NMT2: variants seen among roughly 807,000 people sequenced by gnomAD.
NMT2 encodes the protein N-myristoyltransferase 2, also known as glycylpeptide N-tetradecanoyltransferase 2.
NMT2 carries 35 observed loss-of-function variants against 65.4 expected under a neutral mutation model. That is an observed-to-expected ratio of 0.54 (90% CI 0.41 to 0.71). NMT2 has a LOEUF of 0.71. NMT2 is among the 30% of genes least tolerant of loss of function. The pLI, the probability that NMT2 is intolerant of heterozygous loss-of-function variation, is 0.00. For synonymous variants in NMT2, 226 were observed against 231.8 expected (o/e 0.98, Z 0.23); for missense variants, 489 against 611.3 (o/e 0.80, Z 2.11).
intron 8 of NMT2, among the ~76,000 whole-genome samples, chr10:15,126,224 T>A (rs1589308336): frequency 6.7e-6 from 1 of 149,388 alleles, no homozygotes; most frequent in Admixed American, 6.7e-5. Flanking sequence ...AGGTCAGGAG[T>A]TCGAGACCAG....
intron 2 of NMT2, among the ~76,000 whole-genome samples, chr10:15,140,225 C>T (rs1011747553): frequency 9.2e-5 from 14 of 152,076 alleles, no homozygotes; most frequent in Non-Finnish European, 1.8e-4. Flanking sequence ...CAGGCTCAAG[C>T]TATCCTCCCA....
intron 6 of NMT2, among the ~76,000 whole-genome samples, chr10:15,130,811 A>G (rs1012197804): frequency 6.4e-5 from 8 of 125,706 alleles, no homozygotes; most frequent in African/African-American, 2.4e-4. Flanking sequence ...TTTTTTTGAG[A>G]CAGATTGTCG....
intron 8 of NMT2, among the ~76,000 whole-genome samples, chr10:15,121,582 G>C (rs1845932987): frequency 6.6e-6 from 1 of 152,198 alleles, no homozygotes; most frequent in Admixed American, 6.5e-5. Context: ...GGCCAGGCTG[G>C]TCTCGAATGC....
intron 9 of NMT2, among the ~76,000 whole-genome samples, chr10:15,117,211 A>G (rs1196387747): frequency 1.3e-5 from 2 of 152,220 alleles, no homozygotes; most frequent in Non-Finnish European, 2.9e-5. Flanking sequence ...GACCAAGTGG[A>G]TATTTTCTAG....
Position 15,141,458 on chromosome 10 carries a change from A to G in NMT2, c.210T>C (p.Ser70=), listed in dbSNP as rs764632131. Residue 70 remains serine (S), a synonymous_variant, in exon 2 of 12, where the codon TCT becomes TCC. Coordinates refer to ENST00000378165, the MANE Select transcript of NMT2 (RefSeq NM_004808.3). ...GCTGAATTTTAATCTCCTGGGAATC[A>G]GATGCCGAGTCTGACTTGGTGCCTC... The part of the protein sequence containing the change: ...NSGGTKSDSA[S]DSQEIKIQQP... 3 of 1,614,104 alleles carry G rather than the reference A, an allele frequency of 1.9e-6. No homozygotes were observed.
In NMT2 at chr10:15,141,454, A is replaced by G; in HGVS notation, c.214T>C (p.Ser72Pro). The change falls in exon 2 of 12, where the codon TCC becomes CCC. Residue 72 changes from serine (S) to proline (P), a missense_variant. Ser to Pro is a moderately conservative substitution (Grantham distance 74). Transcript: ENST00000378165. ...GGTKSDSASD[S>P]QEIKIQQPSK... ...GGCTGCTGAATTTTAATCTCCTGGG[A>G]ATCAGATGCCGAGTCTGACTTGGTG... The G allele has an allele frequency of 6.2e-7, 1 of 1,614,218 alleles. No homozygotes were observed. The highest frequency in any genetic ancestry group is 8.5e-7 in the Non-Finnish European group (1 of 1,180,038).
In NMT2 at chr10:15,108,429, C is replaced by A. The variant is rs1008568541; in HGVS notation, c.*766G>T. 5.1e-6 allele frequency: 4 copies of A among 781,814 alleles called. No homozygotes were observed. The highest frequency in any genetic ancestry group is 6.2e-6 in the Non-Finnish European group (4 of 644,208). 48.4% of individuals were successfully genotyped at this position (781,814 alleles called of 1,614,324 possible). On this transcript the variant is annotated 3_prime_UTR_variant, in exon 12 of 12. Coordinates refer to ENST00000378165, the MANE Select transcript of NMT2 (RefSeq NM_004808.3). ...CTCGATCTCCTGACCTCATGATCTG[C>A]CCACCTTGGCCTCCCAAAGTGCTGG...
intron 1 of NMT2, among the ~76,000 whole-genome samples, chr10:15,148,353 T>C (rs1421671768): frequency 2.6e-5 from 4 of 151,856 alleles, no homozygotes; most frequent in Non-Finnish European, 4.4e-5. Flanking sequence ...TTACAAAAAA[T>C]AAAAAATTAG....
Position 15,168,689 on chromosome 10 carries a change from G to A in NMT2, c.-77C>T. 2.7e-6 allele frequency: 3 copies of A among 1,111,552 alleles called. No homozygotes were observed. Among genetic ancestry groups the A allele is most frequent in the East Asian group, 2.9e-5 (1 of 34,088 alleles). The allele number at this position is 1,111,552 out of a possible 1,614,324, so 68.9% of individuals were successfully genotyped here. ...GCAGCTCCCTCTAGTGCCTCCCGCCGTACTGCTTGGAGTCGGAGCCCGGGC... is the reference window on the plus strand; with the variant it reads ...GCAGCTCCCTCTAGTGCCTCCCGCCATACTGCTTGGAGTCGGAGCCCGGGC... On this transcript the variant is annotated 5_prime_UTR_variant, in exon 1 of 12. The change creates a new upstream start codon in the 5' untranslated region. Transcript: ENST00000378165.
chr10:15,124,128 C>A lies in NMT2; in HGVS notation c.999+4222G>T, dbSNP rs372561543. Among the ~76,000 whole-genome samples the A allele has an allele frequency of 1.1e-4, 16 of 152,298 alleles. No individual in the cohort carries two copies. In the East Asian group the frequency reaches 2.1e-3, roughly 20 times the overall value. ...AGTGCTAAGACCTTAGTGGATCATT[C>A]TCTGACTTCTGCTTTTTATCAACAT... On this transcript the variant is annotated intron_variant, in intron 8 of 11. Transcript: ENST00000378165.
rs1406443995 is a variant in NMT2 at position 15,107,276 on chromosome 10, C to T, written c.*1919G>A. 1 of 911,970 alleles carries T rather than the reference C, an allele frequency of 1.1e-6. No individual in the cohort carries two copies. Among genetic ancestry groups the T allele is most frequent in the Non-Finnish European group, 1.3e-6 (1 of 763,254 alleles). 56.5% of individuals were successfully genotyped at this position (911,970 alleles called of 1,614,324 possible). The stretch of plus-strand genomic sequence containing the variant: ...AAACATTCTTAGCCTGTGGGCTACA[C>T]AAAAATAAGCAATGGGCTGGATTTA... On this transcript the variant is annotated 3_prime_UTR_variant, in exon 12 of 12. Coordinates refer to ENST00000378165, the MANE Select transcript of NMT2 (RefSeq NM_004808.3).
intron 1 of NMT2, among the ~76,000 whole-genome samples, chr10:15,143,280 C>G (rs1286994117): frequency 6.6e-6 from 1 of 152,152 alleles, no homozygotes; most frequent in Non-Finnish European, 1.5e-5. Context: ...TGGGAGGGAC[C>G]AAAATCATGG....
chr10:15,126,775 C>A (rs1846086410), intron 8 of NMT2, among the ~76,000 whole-genome samples: 1 of 152,168 alleles, frequency 6.6e-6, no homozygotes, highest in South Asian at 2.1e-4. Context: ...CAGGACTCAG[C>A]TAAGCTGTGA....
chr10:15,106,468 C>T lies in NMT2; in HGVS notation c.*2727G>A. 1 of 170,650 alleles carries T rather than the reference C, an allele frequency of 5.9e-6. No individual in the cohort carries two copies. The highest frequency in any genetic ancestry group is 1.9e-4 in the South Asian group (1 of 5,230). The allele number at this position is 170,650 out of a possible 1,614,324, so 10.6% of individuals were successfully genotyped here. On this transcript the variant is annotated 3_prime_UTR_variant, in exon 12 of 12. Transcript: ENST00000378165. ...ATGAGGACTGTTTTGTTTCTTGAAG[C>T]CTTTCTCCTGTTAAGAAAGAACGCT...
At chr10:15,114,077 C>T (rs573793071) in intron 9 of NMT2, among the ~76,000 whole-genome samples, 13 of 152,308 alleles carry the variant, frequency 8.5e-5, no homozygotes, top group Middle Eastern at 3.4e-3. Context: ...GTCATTAGAC[C>T]TTTCTTCAGC....
intron 1 of NMT2, among the ~76,000 whole-genome samples, chr10:15,157,832 A>G (rs1163021760): frequency 6.6e-6 from 1 of 152,204 alleles, no homozygotes; most frequent in Non-Finnish European, 1.5e-5. Flanking sequence ...ACTTATAAAG[A>G]AAAAGACCTT....
In NMT2 at chr10:15,142,881, A is replaced by G. The variant is rs148017506; in HGVS notation, c.111-1324T>C. Among the ~76,000 whole-genome samples the G allele has an allele frequency of 5.6e-3, 858 of 152,266 alleles. 6 individuals are homozygous for G. The highest frequency in any genetic ancestry group is 0.02 in the Middle Eastern group (6 of 294). ...ATGCTGCAGATACGTTCAGTTTTGTATATTCTCTGGTTTGGGAGTAGGACT... is the reference window on the plus strand; with the variant it reads ...ATGCTGCAGATACGTTCAGTTTTGTGTATTCTCTGGTTTGGGAGTAGGACT... On this transcript the variant is annotated intron_variant, in intron 1 of 11. Transcript: ENST00000378165.
At chr10:15,110,369 C>T (rs1444194268) in intron 10 of NMT2, among the ~76,000 whole-genome samples, 1 of 152,144 alleles carries the variant, frequency 6.6e-6, no homozygotes. Flanking sequence ...AATCCCAGCA[C>T]TTTGGGAGGC....
At chr10:15,120,493 A>T (rs1448731311) in intron 8 of NMT2, among the ~76,000 whole-genome samples, 2 of 152,108 alleles carry the variant, frequency 1.3e-5, no homozygotes, top group Non-Finnish European at 2.9e-5. Flanking sequence ...GAGGATGTGC[A>T]TACATTATAT....
Sources: gnomAD v4.1 joint callset for allele counts (sites outside exome capture counted in the v4.1 genomes callset) on GRCh38, gnomAD v4.1.1 for gene constraint, MANE v1.5 for transcripts, NCBI Gene and HGNC (gene_info 2026-07-23, HGNC 2026-07-21) for gene names.